Variants in MAP3K7CL observed in about 807,000 individuals in gnomAD.
MAP3K7CL encodes the protein MAP3K7 C-terminal-like protein.
MAP3K7CL carries 16 observed loss-of-function variants against 18.6 expected under a neutral mutation model. The ratio of observed to expected loss-of-function variants is 0.86; its 90% confidence interval spans 0.58 to 1.31. MAP3K7CL has a LOEUF of 1.31. MAP3K7CL is among the 50% of genes most tolerant of loss of function. The probability of loss-of-function intolerance (pLI) is 0.00; values close to 1 mark genes in which losing one functional copy is unlikely to be tolerated. For synonymous variants in MAP3K7CL, 65 were observed against 66.8 expected, an observed-to-expected ratio of 0.97 and a Z score of 0.13; for missense variants, 163 against 174.4, an observed-to-expected ratio of 0.93 and a Z score of 0.37.
chr21:29,136,657 A>G (rs1392687717), intron 2 of MAP3K7CL, among the ~76,000 whole-genome samples: 7 of 151,784 alleles, frequency 4.6e-5, no homozygotes, highest in Non-Finnish European at 1.0e-4. Context: ...AGTAGCTGGG[A>G]CTGCAGGCAC....
At chr21:29,169,308 T>C (rs141269485) in intron 4 of MAP3K7CL, among the ~76,000 whole-genome samples, 1 of 152,284 alleles carries the variant, frequency 6.6e-6, no homozygotes, top group Non-Finnish European at 1.5e-5. Flanking sequence ...CATTAAGCAT[T>C]TGTACAGCTT....
At chr21:29,158,615 G>A (rs1326111393) in intron 3 of MAP3K7CL, among the ~76,000 whole-genome samples, 2 of 152,012 alleles carry the variant, frequency 1.3e-5, no homozygotes, top group African/African-American at 4.8e-5. Flanking sequence ...TTACATCATG[G>A]GAGGGATCAC....
At chr21:29,155,406 G>A (rs757715057) in intron 3 of MAP3K7CL, among the ~76,000 whole-genome samples, 9 of 152,174 alleles carry the variant, frequency 5.9e-5, no homozygotes, top group Non-Finnish European at 1.3e-4. Flanking sequence ...AGTAGTATTC[G>A]CAGAAGCCAA....
At chr21:29,117,531 C>G (rs960239625) in intron 4 of MAP3K7CL, among the ~76,000 whole-genome samples, 2 of 152,212 alleles carry the variant, frequency 1.3e-5, no homozygotes, top group Non-Finnish European at 2.9e-5. Flanking sequence ...AGTAGCTAAG[C>G]TAAAAAAAGG....
At chr21:29,147,155 G>A (rs1413058586) in intron 2 of MAP3K7CL, among the ~76,000 whole-genome samples, 2 of 151,904 alleles carry the variant, frequency 1.3e-5, no homozygotes, top group Non-Finnish European at 2.9e-5. Context: ...CTTATATTTT[G>A]CATACATACT....
At chr21:29,109,001 A>G (rs888423299) in intron 4 of MAP3K7CL, 3 of 1,489,716 alleles carry the variant, frequency 2.0e-6, no homozygotes, top group African/African-American at 1.4e-5. Flanking sequence ...GCTGGACCCA[A>G]ATAATTTTCT....
In MAP3K7CL at chr21:29,174,878, C is replaced by T. The variant is rs547252521; in HGVS notation, c.415C>T (p.Gln139Ter). 1 of 1,613,924 alleles carries T rather than the reference C, an allele frequency of 6.2e-7. No homozygotes were observed. Among genetic ancestry groups the T allele is most frequent in the East Asian group, 2.2e-5 (1 of 44,838 alleles). ...ACTTCGAATACAGTATCAGAAGAGG[C>T]AGGGCTCGTCCTAACTTTAAATTTT... Reference protein sequence around the residue: ...EKLRIQYQKRQGSS With the variant: ...EKLRIQYQKR The change falls in exon 5 of 5, where the codon CAG (glutamine) becomes TAG (stop). Residue 139 changes from glutamine to a stop codon, truncating the protein, a stop_gained. Coordinates refer to ENST00000399928, the MANE Select transcript of MAP3K7CL (RefSeq NM_001286620.2). LOFTEE classifies it high-confidence loss of function.
intron 3 of MAP3K7CL, among the ~76,000 whole-genome samples, chr21:29,151,212 A>G (rs1240925576): frequency 6.6e-6 from 1 of 151,668 alleles, no homozygotes; most frequent in Non-Finnish European, 1.5e-5. Flanking sequence ...GCCGTGGCTC[A>G]CACCTGTAAT....
chr21:29,173,313 T>C (rs1255828195), intron 4 of MAP3K7CL, among the ~76,000 whole-genome samples: 1 of 152,234 alleles, frequency 6.6e-6, no homozygotes, highest in Non-Finnish European at 1.5e-5. Flanking sequence ...GTAAGTCATC[T>C]TTATGTAGAT....
chr21:29,120,054 C>A (rs1229186549), intron 4 of MAP3K7CL, among the ~76,000 whole-genome samples: 1 of 152,136 alleles, frequency 6.6e-6, no homozygotes, highest in African/African-American at 2.4e-5. Flanking sequence ...ACATTAGTTC[C>A]ATTTCCTACT....
At chr21:29,131,340 T>C (rs1466725614) in intron 1 of MAP3K7CL, 5 of 152,240 alleles carry the variant, frequency 3.3e-5, no homozygotes, top group South Asian at 2.1e-4. Context: ...TTAGATGTTA[T>C]GCTAAAGTGA....
At chr21:29,125,399 A>G (rs1442532306) in intron 4 of MAP3K7CL, among the ~76,000 whole-genome samples, 1 of 152,174 alleles carries the variant, frequency 6.6e-6, no homozygotes, top group Admixed American at 6.5e-5. Flanking sequence ...AGTGAAAGAG[A>G]AACCATTGAG....
chr21:29,116,108 C>A (rs1454918082), intron 4 of MAP3K7CL, among the ~76,000 whole-genome samples: 1 of 152,202 alleles, frequency 6.6e-6, no homozygotes, highest in South Asian at 2.1e-4. Flanking sequence ...TTCTATATCC[C>A]ATGTGCAACA....
At chr21:29,123,439 GAGTTTCT>G (rs2086631640) in intron 4 of MAP3K7CL, among the ~76,000 whole-genome samples, 1 of 152,120 alleles carries the variant, frequency 6.6e-6, no homozygotes, top group South Asian at 2.1e-4. Context: ...GAATCTGACC[GAGTTTCT>G]AGATCCAATG....
intron 4 of MAP3K7CL, among the ~76,000 whole-genome samples, chr21:29,167,473 T>C (rs2087717252): frequency 6.6e-6 from 1 of 152,138 alleles, no homozygotes; most frequent in Admixed American, 6.5e-5. Flanking sequence ...AAATTAAAAT[T>C]AGTGCAATTT....
chr21:29,101,941 C>T (rs1382811850), intron 4 of MAP3K7CL, among the ~76,000 whole-genome samples: 1 of 152,076 alleles, frequency 6.6e-6, no homozygotes, highest in Non-Finnish European at 1.5e-5. Flanking sequence ...ACCTGAATCC[C>T]AAAGGATTCT....
At chr21:29,100,083 TAAAAAAAAAAAA>T (rs397727880) in intron 4 of MAP3K7CL, among the ~76,000 whole-genome samples, 3 of 122,856 alleles carry the variant, frequency 2.4e-5, no homozygotes, top group Non-Finnish European at 5.0e-5. Flanking sequence ...ACTCCGTCTT[TAAAAAAAAAAAA>T]AAAAAAAAAG....
At chr21:29,147,242 A>G (rs1276156647) in intron 2 of MAP3K7CL, among the ~76,000 whole-genome samples, 1 of 152,018 alleles carries the variant, frequency 6.6e-6, no homozygotes, top group Non-Finnish European at 1.5e-5. Context: ...ATATATGTAT[A>G]TGTACTGTAT....
chr21:29,168,394 A>AAT (rs1204064478), intron 4 of MAP3K7CL, among the ~76,000 whole-genome samples: 2 of 152,202 alleles, frequency 1.3e-5, no homozygotes, highest in African/African-American at 4.8e-5. Context: ...ACTTTCAATA[A>AAT]ATACTTGCTG....
Sources: gnomAD v4.1 joint callset for allele counts (sites outside exome capture counted in the v4.1 genomes callset) on GRCh38, gnomAD v4.1.1 for gene constraint, MANE v1.5 for transcripts, NCBI Gene and HGNC (gene_info 2026-07-23, HGNC 2026-07-21) for gene names.